The following COL24A1 variants were observed in gnomAD, a reference collection of about 807,000 sequenced individuals.
COL24A1 encodes the protein collagen type XXIV alpha 1 chain, also known as collagen alpha-1(XXIV) chain.
Under a neutral mutation model 253.9 loss-of-function variants are expected in COL24A1, and 224 were observed. That is an observed-to-expected ratio of 0.88 (90% CI 0.79 to 0.99). The LOEUF is 0.99. Ranked by LOEUF, COL24A1 falls within the 50% of genes least tolerant of loss-of-function variation. COL24A1 has a pLI of 0.00. For synonymous variants in COL24A1, 685 were observed against 673.7 expected (o/e 1.02, Z -0.26); for missense variants, 2,131 against 2,068.5 (o/e 1.03, Z -0.59).
intron 24 of COL24A1, among the ~76,000 whole-genome samples, chr1:85,959,233 A>G (rs1298351612): frequency 6.6e-6 from 1 of 152,128 alleles, no homozygotes; most frequent in Admixed American, 6.5e-5. Context: ...CCAAAAATAA[A>G]AATATTCTTT....
chr1:85,784,481 C>A (rs1310736535), intron 48 of COL24A1, 115 bp from the exon 49 acceptor site: 3 of 657,130 alleles, frequency 4.6e-6, no homozygotes, highest in Non-Finnish European at 7.9e-6. Context: ...ATACAAGGCA[C>A]TGGGGAAATC....
chr1:85,863,390 G>C (rs1679391894), intron 37 of COL24A1, among the ~76,000 whole-genome samples: 4 of 152,166 alleles, frequency 2.6e-5, no homozygotes, highest in African/African-American at 7.2e-5. Flanking sequence ...TCCTTGTCTT[G>C]TGCCAGTTTT....
chr1:85,949,325 A>G (rs1689670967), intron 24 of COL24A1, among the ~76,000 whole-genome samples: 1 of 152,200 alleles, frequency 6.6e-6, no homozygotes, highest in South Asian at 2.1e-4. Flanking sequence ...ATACACAGGA[A>G]GAAAGTGCTA....
At chr1:85,851,104 G>A (rs1311216999) in intron 37 of COL24A1, among the ~76,000 whole-genome samples, 1 of 151,180 alleles carries the variant, frequency 6.6e-6, no homozygotes, top group African/African-American at 2.4e-5. Context: ...CTACTCAGGT[G>A]CAATCATTGT....
chr1:86,008,856 G>T (rs1460440199), intron 19 of COL24A1, among the ~76,000 whole-genome samples: 1 of 151,902 alleles, frequency 6.6e-6, no homozygotes, highest in Non-Finnish European at 1.5e-5. Context: ...AAATCTATTA[G>T]AGAATATAAT....
At chr1:85,809,806 ATATTAT>A (rs1672350774) in intron 47 of COL24A1, among the ~76,000 whole-genome samples, 1 of 147,944 alleles carries the variant, frequency 6.8e-6, no homozygotes, top group Admixed American at 6.8e-5. Flanking sequence ...ATAGTATATA[ATATTAT>A]ATATATATAA....
At position 86,050,149 on chromosome 1, in the gene COL24A1, C is replaced by T; in HGVS notation, c.1880G>A (p.Gly627Glu). 6.2e-7 allele frequency: 1 copy of T among 1,613,386 alleles called. No homozygotes were observed. Among genetic ancestry groups the T allele is most frequent in the Non-Finnish European group, 8.5e-7 (1 of 1,179,466 alleles). ...QGFIGSPGEA[G>E]QLGPEGERGI... Reference sequence around the variant, plus strand: ...CCGTTCTCCTTCAGGTCCCAGTTGTCCCGCTTCTCCAGGAGAGCCAATAAA... The same window carrying T: ...CCGTTCTCCTTCAGGTCCCAGTTGTTCCGCTTCTCCAGGAGAGCCAATAAA... Residue 627 changes from glycine to glutamate, a missense_variant, in exon 11 of 60, where the codon GGA becomes GAA. Gly to Glu is a moderately conservative substitution (Grantham distance 98, BLOSUM62 -2). Coordinates refer to ENST00000370571, the MANE Select transcript of COL24A1 (RefSeq NM_152890.7).
At chr1:86,080,713 C>T (rs11588997) in intron 7 of COL24A1, among the ~76,000 whole-genome samples, 1 of 151,770 alleles carries the variant, frequency 6.6e-6, no homozygotes, top group Non-Finnish European at 1.5e-5. Flanking sequence ...GTTATCAATA[C>T]GTTACCACAC....
intron 57 of COL24A1, among the ~76,000 whole-genome samples, chr1:85,738,097 C>T (rs1311305863): frequency 2.0e-5 from 3 of 152,098 alleles, no homozygotes; most frequent in Non-Finnish European, 2.9e-5. Context: ...TTGATTGCTT[C>T]ATTCTACAGA....
At chr1:85,769,704 T>C (rs1004258733) in intron 53 of COL24A1, among the ~76,000 whole-genome samples, 7 of 152,194 alleles carry the variant, frequency 4.6e-5, no homozygotes, top group East Asian at 1.9e-4. Flanking sequence ...TCCCAGATAT[T>C]TCAACTGGTC....
chr1:85,767,093 G>A (rs1292515124), intron 53 of COL24A1, among the ~76,000 whole-genome samples: 1 of 127,996 alleles, frequency 7.8e-6, no homozygotes, highest in Non-Finnish European at 1.6e-5. Flanking sequence ...GACAGAGTGA[G>A]ACTCCGTCTC....
intron 59 of COL24A1, among the ~76,000 whole-genome samples, chr1:85,732,220 ATTTCT>A (rs769014099): frequency 7.9e-4 from 119 of 151,414 alleles, no homozygotes; most frequent in Non-Finnish European, 1.3e-3. Context: ...CCTGGGATTG[ATTTCT>A]TTTCTTTTCT....
chr1:86,083,896 C>T, intron 7 of COL24A1, among the ~76,000 whole-genome samples: 1 of 152,186 alleles, frequency 6.6e-6, no homozygotes, highest in East Asian at 1.9e-4. Context: ...GCAACTTATA[C>T]CATATTTCCT....
intron 47 of COL24A1, among the ~76,000 whole-genome samples, chr1:85,790,196 G>T (rs1670116071): frequency 6.6e-6 from 1 of 152,044 alleles, no homozygotes; most frequent in Admixed American, 6.6e-5. Context: ...TTTATTTTTG[G>T]TTGATAGGCT....
At position 85,971,278 on chromosome 1, in the gene COL24A1, A is replaced by C; in HGVS notation, c.2418+62T>G. ...CAAAAACTGAAGGCCCACAATAAAT[A>C]AAAAGGGAAAATTTTAACTAAAAAC... On this transcript the variant is annotated intron_variant, in intron 21 of 59. Coordinates refer to ENST00000370571, the MANE Select transcript of COL24A1 (RefSeq NM_152890.7). 4.9e-6 allele frequency: 7 copies of C among 1,434,890 alleles called. No individual in the cohort carries two copies. The South Asian group carries it at 8.5e-5, about 17-fold the overall frequency. 88.9% of individuals were successfully genotyped at this position (1,434,890 alleles called of 1,614,324 possible).
At chr1:85,792,433 C>T (rs1034555098) in intron 47 of COL24A1, among the ~76,000 whole-genome samples, 1 of 150,772 alleles carries the variant, frequency 6.6e-6, no homozygotes, top group Non-Finnish European at 1.5e-5. Flanking sequence ...ATCCCTGTAA[C>T]CCCAGCACTT....
At chr1:85,758,809 T>C (rs1666540038) in intron 55 of COL24A1, among the ~76,000 whole-genome samples, 1 of 152,184 alleles carries the variant, frequency 6.6e-6, no homozygotes, top group Non-Finnish European at 1.5e-5. Context: ...GATGATGTAC[T>C]GATTTTTTTA....
chr1:85,933,098 A>AG (rs1209900806), intron 24 of COL24A1, among the ~76,000 whole-genome samples: 1 of 83,072 alleles, frequency 1.2e-5, no homozygotes, highest in Non-Finnish European at 2.7e-5. Flanking sequence ...AAAAAAAAAA[A>AG]AAAGAAAGAA....
chr1:85,926,262 T>C (rs1209525980), intron 24 of COL24A1, among the ~76,000 whole-genome samples: 1 of 152,218 alleles, frequency 6.6e-6, no homozygotes, highest in African/African-American at 2.4e-5. Context: ...TGGAAGACAG[T>C]GTGGCAATTC....
Sources: gnomAD v4.1 joint callset for allele counts (sites outside exome capture counted in the v4.1 genomes callset) on GRCh38, gnomAD v4.1.1 for gene constraint, MANE v1.5 for transcripts, NCBI Gene and HGNC (gene_info 2026-07-23, HGNC 2026-07-21) for gene names.